SCN7A: variants seen among roughly 807,000 people sequenced by gnomAD.
The protein encoded by SCN7A is sodium voltage-gated channel alpha subunit 7, also known as sodium channel protein type 7 subunit alpha.
In SCN7A, 138 loss-of-function variants were observed where a neutral mutation model predicts 155.2. The observed-to-expected ratio is 0.89, with a 90% confidence interval of 0.77 to 1.02. SCN7A has a LOEUF of 1.02. Ranked by LOEUF, SCN7A falls within the 50% of genes least tolerant of loss-of-function variation. The pLI, the probability that SCN7A is intolerant of heterozygous loss-of-function variation, is 0.00. For missense variants in SCN7A, 2,058 were observed against 1,986.6 expected (o/e 1.04, Z -0.68); for synonymous variants, 693 against 649.0 (o/e 1.07, Z -1.03).
rs910562691 is a variant in SCN7A at position 166,428,017 on chromosome 2, T to C, written c.2699-75A>G. The C allele has an allele frequency of 2.2e-6, 3 of 1,358,384 alleles. No individual in the cohort carries two copies. The African/African-American group carries it at 4.4e-5, about 20-fold the overall frequency. The allele number at this position is 1,358,384 out of a possible 1,614,324, so 84.1% of individuals were successfully genotyped here. A position where few individuals can be genotyped will look rare whatever the true frequency, so the allele number is the denominator to read the frequency against. Reference sequence around the variant, plus strand: ...AGTAAACAACTGAAACTTTCTACTATGTGCCACAGCAATTATTTATTTACA... The same window carrying C: ...AGTAAACAACTGAAACTTTCTACTACGTGCCACAGCAATTATTTATTTACA... On this transcript the variant is annotated intron_variant, in intron 17 of 25. Transcript: ENST00000643258.
rs1701748327 is a variant in SCN7A, at chr2:166,432,314, T to C, written c.2592+4A>G. 3.1e-6 allele frequency: 5 copies of C among 1,594,632 alleles called. No homozygotes were observed. In the South Asian group the frequency reaches 5.7e-5, roughly 18 times the overall value. ...TAAGCAATCAGGATATTTAAACATC[T>C]TACCTCTTTGCTGCCTCCATCACCA... is the stretch of plus-strand genomic sequence containing the variant. On this transcript the variant is annotated splice_donor_region_variant and intron_variant, in intron 16 of 25. Transcript: ENST00000643258.
chr2:166,424,133 A>C (rs1295553924), intron 18 of SCN7A, among the ~76,000 whole-genome samples: 1 of 152,114 alleles, frequency 6.6e-6, no homozygotes, highest in Admixed American at 6.6e-5. Flanking sequence ...GATTCTTAAA[A>C]CCTACTGTTA....
chr2:166,414,281 TATATACAC>T (rs1559088798), intron 21 of SCN7A, among the ~76,000 whole-genome samples: 359 of 31,764 alleles, frequency 0.011, 7 homozygotes, highest in African/African-American at 0.043. Flanking sequence ...CATATATATA[TATATACAC>T]ACACATATAT....
intron 9 of SCN7A, among the ~76,000 whole-genome samples, chr2:166,462,760 G>C (rs1702442822): frequency 6.6e-6 from 1 of 152,062 alleles, no homozygotes; most frequent in South Asian, 2.1e-4. Context: ...CCTGAAAAGT[G>C]GTTTTTGCCA....
chr2:166,405,405 A>T lies in SCN7A; in HGVS notation c.*175T>A. On this transcript the variant is annotated 3_prime_UTR_variant, in exon 26 of 26. Coordinates refer to ENST00000643258, the MANE Select transcript of SCN7A (RefSeq NM_002976.4). ...TGCAGCAATATTAAGGATTCTCTTGATTTGTTAGATATAATGCTAAAAAGT... is the reference window on the plus strand; with the variant it reads ...TGCAGCAATATTAAGGATTCTCTTGTTTTGTTAGATATAATGCTAAAAAGT... 1.8e-6 allele frequency: 1 copy of T among 553,842 alleles called. No homozygotes were observed. The highest frequency in any genetic ancestry group is 3.1e-6 in the Non-Finnish European group (1 of 320,758). 34.3% of individuals were successfully genotyped at this position (553,842 alleles called of 1,614,324 possible).
At chr2:166,415,563 T>A (rs1701358317) in intron 21 of SCN7A, among the ~76,000 whole-genome samples, 1 of 152,016 alleles carries the variant, frequency 6.6e-6, no homozygotes, top group African/African-American at 2.4e-5. Flanking sequence ...TTGCGGGAAG[T>A]CAGGGACCCT....
chr2:166,414,251 TATAG>T lies in SCN7A; in HGVS notation c.3415-1134_3415-1131del, dbSNP rs1361586208. On this transcript the variant is annotated intron_variant, in intron 21 of 25. Transcript: ENST00000643258. Reference sequence around the variant, plus strand: ...ATATATATCTATATATGTAAATATATATAGATATATATACACACACATATATATA... The same window carrying T: ...ATATATATCTATATATGTAAATATATATATATATACACACACATATATATA... Among the ~76,000 whole-genome samples the T allele has an allele frequency of 9.0e-4, 72 of 79,666 alleles. 1 individual carries two copies. Among genetic ancestry groups the T allele is most frequent in the African/African-American group, 3.5e-3 (71 of 20,552 alleles). The allele number at this position is 79,666 out of a possible 152,430, so 52.3% of individuals were successfully genotyped here.
intron 3 of SCN7A, among the ~76,000 whole-genome samples, chr2:166,475,080 G>GTATATATATATATACATATATATGTATA (rs201255081): frequency 2.3e-5 from 2 of 85,884 alleles, no homozygotes; most frequent in African/African-American, 7.3e-5. Context: ...TTATATTTGT[G>GTATATATATATATACATATATATGTATA]TATATATATA....
At chr2:166,407,874 G>A (rs1371149995) in intron 25 of SCN7A, among the ~76,000 whole-genome samples, 2 of 151,680 alleles carry the variant, frequency 1.3e-5, no homozygotes, top group Admixed American at 6.6e-5. Context: ...TTCCCCTCAC[G>A]CCCCACCCTC....
chr2:166,441,728 A>G lies in SCN7A; in HGVS notation c.1825T>C (p.Tyr609His). 6 of 1,601,386 alleles carry G rather than the reference A, an allele frequency of 3.7e-6. No homozygotes were observed. Among genetic ancestry groups the G allele is most frequent in the Non-Finnish European group, 4.3e-6 (5 of 1,174,936 alleles). The change falls in exon 15 of 26, where the codon TAT (tyrosine) becomes CAT (histidine). Residue 609 changes from tyrosine to histidine, a missense_variant. By Grantham distance (83) the Tyr-to-His change is moderately conservative. Coordinates refer to ENST00000643258, the MANE Select transcript of SCN7A (RefSeq NM_002976.4). ...ATCAAAATCTGGAATGTTGGCCAAT[A>G]CTTTCCCAACTTGAAAATTCTTAAC... Reference protein sequence around the residue: ...RMLRIFKLGKYWPTFQILMWS... With the variant: ...RMLRIFKLGKHWPTFQILMWS...
intron 21 of SCN7A, among the ~76,000 whole-genome samples, chr2:166,414,061 A>T (rs1198885124): frequency 1.2e-5 from 1 of 80,236 alleles, no homozygotes; most frequent in East Asian, 2.8e-4. Flanking sequence ...AATATATAAA[A>T]ATATATTATA....
At chr2:166,447,473 T>C (rs887598672) in intron 12 of SCN7A, 139 bp downstream of exon 12, 2 of 567,196 alleles carry the variant, frequency 3.5e-6, no homozygotes, top group Admixed American at 3.6e-5. Flanking sequence ...TTATACATGG[T>C]TTATCCTAAT....
intron 9 of SCN7A, among the ~76,000 whole-genome samples, 160 bp from the exon 10 acceptor site, chr2:166,462,690 A>G (rs1399409594): frequency 6.6e-6 from 1 of 152,214 alleles, no homozygotes; most frequent in Non-Finnish European, 1.5e-5. Flanking sequence ...AAAGTCACAC[A>G]TGAGTTAGAT....
rs1702824597 is a variant in SCN7A at position 166,477,502 on chromosome 2, G to A, written c.195C>T (p.Pro65=). 1.3e-6 allele frequency: 2 copies of A among 1,551,598 alleles called. No homozygotes were observed. Among genetic ancestry groups the A allele is most frequent in the East Asian group, 2.4e-5 (1 of 41,476 alleles). The change falls in exon 3 of 26, where the codon CCC becomes CCT. Residue 65 remains proline, a synonymous_variant. Transcript: ENST00000643258. The stretch of plus-strand genomic sequence containing the variant: ...AGTAATATGGGTCCACATCTTCCAA[G>A]GGCTCTGACACCATTCCTTGAGAAA... The part of the protein sequence containing the change: ...GNLSQGMVSE[P]LEDVDPYYYK...
At chr2:166,479,771 A>T (rs13018705) in intron 2 of SCN7A, among the ~76,000 whole-genome samples, 44,099 of 152,010 alleles carry the variant, frequency 0.29, 6,845 homozygotes, top group Non-Finnish European at 0.35. Context: ...TGGTTCAGTC[A>T]TTTGTAATCA....
At chr2:166,454,102 C>G (rs1702229877) in intron 11 of SCN7A, among the ~76,000 whole-genome samples, 1 of 152,020 alleles carries the variant, frequency 6.6e-6, no homozygotes, top group Admixed American at 6.6e-5. Context: ...GTTAATAAAA[C>G]ATTTCATCTG....
At chr2:166,431,888 T>G (rs1421109288) in intron 16 of SCN7A, among the ~76,000 whole-genome samples, 1 of 152,084 alleles carries the variant, frequency 6.6e-6, no homozygotes, top group African/African-American at 2.4e-5. Context: ...CATTTTAAGA[T>G]TATAAAGCCC....
At chr2:166,411,866 A>G (rs533069545) in intron 23 of SCN7A, among the ~76,000 whole-genome samples, 16 of 152,216 alleles carry the variant, frequency 1.1e-4, no homozygotes, top group African/African-American at 3.6e-4. Context: ...AAATTTCAAA[A>G]TTAAACTATT....
chr2:166,406,723 A>G, intron 25 of SCN7A, 77 bp from the exon 26 acceptor site: 1 of 992,942 alleles, frequency 1.0e-6, no homozygotes. Flanking sequence ...ATTATTTTAC[A>G]CTTAATTGTT....
Sources: allele counts gnomAD v4.1 joint callset (sites outside exome capture counted in the v4.1 genomes callset), GRCh38; gene constraint gnomAD v4.1.1; transcripts MANE v1.5; gene names NCBI Gene and HGNC (gene_info 2026-07-23, HGNC 2026-07-21).